The following MPP7 variants were observed in gnomAD, a reference collection of about 807,000 sequenced individuals.
The protein encoded by MPP7 is MAGUK p55 subfamily member 7.
In MPP7, 60 loss-of-function variants were observed where a neutral mutation model predicts 76.5. The ratio of observed to expected loss-of-function variants is 0.78; its 90% CI spans 0.64 to 0.97. MPP7 has a LOEUF of 0.97. Among genes scored for constraint, MPP7 ranks in the 50% least tolerant of loss-of-function variants. MPP7 has a pLI of 0.00. For missense variants in MPP7, 641 were observed against 694.0 expected (o/e 0.92, Z 0.86); for synonymous variants, 237 against 244.5 (o/e 0.97, Z 0.29).
At chr10:28,185,481 A>C (rs1449660482) in intron 3 of MPP7, among the ~76,000 whole-genome samples, 1 of 152,150 alleles carries the variant, frequency 6.6e-6, no homozygotes, top group Non-Finnish European at 1.5e-5. Flanking sequence ...ACTCAATGAG[A>C]AGCAAATGAT....
At chr10:28,154,709 T>G (rs1835992478) in intron 3 of MPP7, among the ~76,000 whole-genome samples, 1 of 144,278 alleles carries the variant, frequency 6.9e-6, no homozygotes, top group Non-Finnish European at 1.5e-5. Context: ...AGCCAGGGCA[T>G]TAAACATTTC....
intron 12 of MPP7, among the ~76,000 whole-genome samples, chr10:28,079,081 T>C (rs1268558912): frequency 1.3e-5 from 2 of 152,230 alleles, no homozygotes; most frequent in Non-Finnish European, 2.9e-5. Flanking sequence ...GTTGACATTA[T>C]TGCCTCATTT....
At chr10:28,098,903 A>G (rs989954434) in intron 11 of MPP7, among the ~76,000 whole-genome samples, 3 of 152,102 alleles carry the variant, frequency 2.0e-5, no homozygotes, top group African/African-American at 7.2e-5. Flanking sequence ...GTCTCACCTA[A>G]GTAGTAACGA....
chr10:28,292,971 A>G (rs1450311696), intron 1 of MPP7, among the ~76,000 whole-genome samples: 1 of 152,164 alleles, frequency 6.6e-6, no homozygotes, highest in East Asian at 1.9e-4. Flanking sequence ...CGTTTGCCAT[A>G]GAAGAAAATA....
chr10:28,101,878 T>C (rs778229016), intron 11 of MPP7, among the ~76,000 whole-genome samples: 12 of 151,936 alleles, frequency 7.9e-5, no homozygotes, highest in Non-Finnish European at 1.3e-4. Context: ...GAAGCAAACA[T>C]ACTGTTCTGA....
chr10:28,168,843 T>C (rs953589475), intron 3 of MPP7, among the ~76,000 whole-genome samples: 6 of 152,178 alleles, frequency 3.9e-5, no homozygotes, highest in Non-Finnish European at 7.3e-5. Flanking sequence ...TCTAAGAGTT[T>C]TCAGGTTCTG....
chr10:28,266,355 A>G (rs1441829061), intron 1 of MPP7, among the ~76,000 whole-genome samples: 1 of 152,190 alleles, frequency 6.6e-6, no homozygotes, highest in African/African-American at 2.4e-5. Context: ...CTAAAGAGAA[A>G]TGCTTTCACG....
intron 11 of MPP7, among the ~76,000 whole-genome samples, chr10:28,095,754 C>T (rs1253700358): frequency 2.0e-5 from 3 of 151,984 alleles, no homozygotes; most frequent in Non-Finnish European, 4.4e-5. Flanking sequence ...TTTAAAAAGA[C>T]GGAAGGGAAA....
At chr10:28,218,044 A>G (rs1026828275) in intron 2 of MPP7, among the ~76,000 whole-genome samples, 1 of 152,222 alleles carries the variant, frequency 6.6e-6, no homozygotes, top group Non-Finnish European at 1.5e-5. Context: ...CGCCTAAATG[A>G]AAATAACGAT....
intron 2 of MPP7, among the ~76,000 whole-genome samples, chr10:28,322,458 C>G (rs1352198568): frequency 6.6e-6 from 1 of 152,002 alleles, no homozygotes; most frequent in Non-Finnish European, 1.5e-5. Context: ...TTTGAAAAAC[C>G]CTCTCTCCCC....
At chr10:28,276,222 G>C (rs1840492434) in intron 1 of MPP7, among the ~76,000 whole-genome samples, 3 of 151,396 alleles carry the variant, frequency 2.0e-5, no homozygotes, top group African/African-American at 7.3e-5. Flanking sequence ...GTAGAGACGG[G>C]GTTTCACCAT....
At chr10:28,236,632 T>G (rs1270674913) in intron 2 of MPP7, 1 of 152,138 alleles carries the variant, frequency 6.6e-6, no homozygotes, top group Non-Finnish European at 1.5e-5. Flanking sequence ...ATTAGTTTTT[T>G]TTTTCTTCGT....
chr10:28,078,817 T>C (rs952022924), intron 12 of MPP7, among the ~76,000 whole-genome samples: 2 of 152,188 alleles, frequency 1.3e-5, no homozygotes, highest in African/African-American at 2.4e-5. Flanking sequence ...TAAGCAAATG[T>C]GTTGCATGGT....
At chr10:28,125,367 C>T (rs1327688898) in intron 6 of MPP7, among the ~76,000 whole-genome samples, 1 of 152,088 alleles carries the variant, frequency 6.6e-6, no homozygotes, top group African/African-American at 2.4e-5. Flanking sequence ...GTAAAATAAA[C>T]ATACCTTCTT....
In MPP7 at chr10:28,115,110, GT is replaced by G. The variant is rs923042945; in HGVS notation, c.952+4540del. 4.2e-5 allele frequency among the ~76,000 whole-genome samples: 6 copies of G among 141,810 alleles called. 1 individual carries two copies. The East Asian group carries it at 1.5e-3, about 35-fold the overall frequency. 93.0% of individuals were successfully genotyped at this position (141,810 alleles called of 152,430 possible). ...TTTGTTTGTTTTGTTTTTTGTTTTT[GT>G]TTTTTTTTGAGATGGAGTTTTACTC... On this transcript the variant is annotated intron_variant, in intron 11 of 16. Transcript: ENST00000683449.
Position 28,315,834 on chromosome 10 carries a change from C to T in MPP7, c.-132+14095G>A, listed in dbSNP as rs147288776. On this transcript the variant is annotated intron_variant, in intron 2 of 11. Coordinates refer to the MPP7 transcript ENST00000441595. ...CTTTACAGTGGAAAAACCTGACCAG[C>T]ACTATCTCAACCAGCTGATCAAGGT... 7.8e-4 allele frequency among the ~76,000 whole-genome samples: 118 copies of T among 152,204 alleles called. 2 individuals carry two copies. In the East Asian group the frequency reaches 9.7e-3, roughly 12 times the overall value.
intron 4 of MPP7, among the ~76,000 whole-genome samples, chr10:28,149,750 A>C (rs1390955848): frequency 6.6e-6 from 1 of 152,264 alleles, no homozygotes; most frequent in Non-Finnish European, 1.5e-5. Context: ...TTACGAAGTT[A>C]CGAAAGCAGA....
chr10:28,230,157 G>C (rs538128621), intron 2 of MPP7, among the ~76,000 whole-genome samples: 10 of 152,074 alleles, frequency 6.6e-5, no homozygotes, highest in African/African-American at 2.2e-4. Flanking sequence ...TCAAGACATA[G>C]GGGAAAAATG....
intron 1 of MPP7, among the ~76,000 whole-genome samples, chr10:28,280,390 T>A (rs980255714): frequency 2.6e-5 from 4 of 151,986 alleles, no homozygotes; most frequent in Non-Finnish European, 5.9e-5. Context: ...ACAATGCAAA[T>A]GCTATGTAAA....
Sources: gnomAD v4.1 joint callset for allele counts (sites outside exome capture counted in the v4.1 genomes callset) on GRCh38, gnomAD v4.1.1 for gene constraint, MANE v1.5 for transcripts, NCBI Gene and HGNC (gene_info 2026-07-23, HGNC 2026-07-21) for gene names.